STK32C: variants seen among roughly 807,000 people sequenced by gnomAD.
STK32C encodes serine/threonine-protein kinase 32C.
In STK32C, 31 loss-of-function variants were observed where a neutral mutation model predicts 56.5. The ratio of observed to expected loss-of-function variants is 0.55; its 90% CI spans 0.41 to 0.74. STK32C has a LOEUF of 0.74. STK32C is among the 30% of genes least tolerant of loss of function. The pLI, the probability that STK32C is intolerant of heterozygous loss-of-function variation, is 0.00. For missense variants in STK32C, 544 were observed against 676.9 expected, an observed-to-expected ratio of 0.80 and a Z score of 2.18; for synonymous variants, 309 against 289.4, an observed-to-expected ratio of 1.07 and a Z score of -0.69.
At chr10:132,295,325 C>T (rs1306499570) in intron 1 of STK32C, among the ~76,000 whole-genome samples, 6 of 152,152 alleles carry the variant, frequency 3.9e-5, no homozygotes, top group Non-Finnish European at 5.9e-5. Flanking sequence ...GGTAAGGAAA[C>T]ACACGGGGTG....
At chr10:132,310,812 T>G (rs114946976), upstream of STK32C, among the ~76,000 whole-genome samples, 693 of 152,328 alleles carry the variant, frequency 4.5e-3, 4 homozygotes, top group African/African-American at 0.016. The surrounding 1 kb of genome is among the most constrained non-coding windows in gnomAD (Gnocchi z 4.6). Flanking sequence ...GGGACCACTT[T>G]AGCTTGGGTA....
intron 1 of STK32C, among the ~76,000 whole-genome samples, chr10:132,282,025 T>G (rs2138239020): frequency 6.6e-6 from 1 of 152,322 alleles, no homozygotes; most frequent in East Asian, 1.9e-4. Flanking sequence ...GGCGCCTCCC[T>G]GATCCCGGCC....
chr10:132,223,735 G>A (rs575139014), intron 8 of STK32C, among the ~76,000 whole-genome samples: 49 of 152,294 alleles, frequency 3.2e-4, no homozygotes, highest in African/African-American at 1.1e-3. Context: ...CACGGGGGCC[G>A]GGAGGCAGCC....
intron 2 of STK32C, among the ~76,000 whole-genome samples, chr10:132,240,516 T>G (rs1590226561): frequency 6.6e-6 from 1 of 152,104 alleles, no homozygotes; most frequent in Non-Finnish European, 1.5e-5. Context: ...CAGACCTTCT[T>G]CACCCACAAA....
intron 1 of STK32C, among the ~76,000 whole-genome samples, chr10:132,287,416 G>A (rs948950038): frequency 0.15 from 22 of 146 alleles, no homozygotes; most frequent in South Asian, 0.5. Context: ...ACTTGAACCC[G>A]GGAGTGGAGG....
intron 2 of STK32C, among the ~76,000 whole-genome samples, chr10:132,229,895 C>A (rs976934407): frequency 6.6e-6 from 1 of 152,226 alleles, no homozygotes; most frequent in Admixed American, 6.5e-5. Context: ...AGTGGCTTGG[C>A]CTGGCACCAT....
rs2065672941 is a variant in STK32C at position 132,294,431 on chromosome 10, TGCAGACGGCAG to T, written c.262+13130_262+13140del. On this transcript the variant is annotated intron_variant, in intron 1 of 11. Transcript: ENST00000298630. ...TTTTGGGAGAACTGGAGGGGAGGCCTGCAGACGGCAGGGAGTGAGTGAGTTTGAGTTTTGCT... is the reference window on the plus strand; with the variant it reads ...TTTTGGGAGAACTGGAGGGGAGGCCTGGAGTGAGTGAGTTTGAGTTTTGCT... Among the ~76,000 whole-genome samples, 4 of 152,160 alleles carry T rather than the reference TGCAGACGGCAG, an allele frequency of 2.6e-5. No individual in the cohort carries two copies. The South Asian group carries it at 8.3e-4, about 32-fold the overall frequency.
intron 1 of STK32C, among the ~76,000 whole-genome samples, chr10:132,297,133 C>T (rs930384436): frequency 2.3e-4 from 35 of 152,226 alleles, no homozygotes; most frequent in Admixed American, 2.2e-3. Context: ...TAGGCCCCTT[C>T]CTTCCTGCGC....
chr10:132,272,970 C>T (rs1373002077), intron 1 of STK32C, among the ~76,000 whole-genome samples: 3 of 152,166 alleles, frequency 2.0e-5, no homozygotes, highest in Non-Finnish European at 2.9e-5. Context: ...TCCCTCTGCC[C>T]GGAGCCCTCT....
intron 2 of STK32C, among the ~76,000 whole-genome samples, chr10:132,236,227 G>A (rs2063287454): frequency 6.6e-6 from 1 of 152,258 alleles, no homozygotes; most frequent in African/African-American, 2.4e-5. Context: ...CCTGCGCACG[G>A]CCTGGTCAGC....
intron 8 of STK32C, 145 bp downstream of exon 8, chr10:132,224,262 G>A (rs962486585): frequency 3.0e-6 from 2 of 658,262 alleles, no homozygotes; most frequent in East Asian, 2.7e-5. Flanking sequence ...CATCTGCGGA[G>A]GCCCCCACAG....
intron 1 of STK32C, among the ~76,000 whole-genome samples, chr10:132,295,868 G>A (rs1473046607): frequency 6.6e-6 from 1 of 151,808 alleles, no homozygotes; most frequent in Non-Finnish European, 1.5e-5. Context: ...GGGCGACGGA[G>A]CAAGATTCCA....
chr10:132,237,969 A>G (rs935586273), intron 2 of STK32C, among the ~76,000 whole-genome samples: 1 of 152,186 alleles, frequency 6.6e-6, no homozygotes, highest in Non-Finnish European at 1.5e-5. Flanking sequence ...GCCTCCCTCC[A>G]AAGCCACTGT....
chr10:132,308,459 C>T (rs903202143), upstream of STK32C, among the ~76,000 whole-genome samples: 2 of 152,078 alleles, frequency 1.3e-5, no homozygotes, highest in Non-Finnish European at 1.5e-5. Context: ...TTCTGCTTTG[C>T]GCAGGGTGAG....
At chr10:132,297,196 C>A (rs1220741507) in intron 1 of STK32C, among the ~76,000 whole-genome samples, 1 of 152,200 alleles carries the variant, frequency 6.6e-6, no homozygotes, top group African/African-American at 2.4e-5. Context: ...TGACAGAGGA[C>A]TCCCCTCCTG....
chr10:132,288,498 C>T (rs764944528), intron 1 of STK32C, among the ~76,000 whole-genome samples: 2 of 152,180 alleles, frequency 1.3e-5, no homozygotes, highest in Admixed American at 6.5e-5. Context: ...GGGTCAAGGG[C>T]GAGCTTTCTG....
chr10:132,252,030 C>T (rs1322050028), intron 1 of STK32C, among the ~76,000 whole-genome samples: 2 of 152,218 alleles, frequency 1.3e-5, no homozygotes, highest in African/African-American at 4.8e-5. Flanking sequence ...CCTCCTGGGG[C>T]CTCCGACCCA....
chr10:132,317,635 G>A (rs1468974829), intron 1 of STK32C, among the ~76,000 whole-genome samples: 4 of 152,132 alleles, frequency 2.6e-5, no homozygotes, highest in Non-Finnish European at 5.9e-5. Context: ...GCTGAGGTTA[G>A]AGGATCGCCT....
chr10:132,304,233 G>C (rs2065992640), intron 1 of STK32C, among the ~76,000 whole-genome samples: 1 of 152,152 alleles, frequency 6.6e-6, no homozygotes, highest in Non-Finnish European at 1.5e-5. Context: ...GCTGCTCAGG[G>C]GAGCACTGCA....
Sources: gnomAD v4.1 joint callset for allele counts (sites outside exome capture counted in the v4.1 genomes callset) on GRCh38, gnomAD v4.1.1 for gene constraint, Gnocchi (gnomAD v3.1) non-coding constraint, MANE v1.5 for transcripts, NCBI Gene and HGNC (gene_info 2026-07-23, HGNC 2026-07-21) for gene names.